SPAG16: variants seen among roughly 807,000 people sequenced by gnomAD.
The protein encoded by SPAG16 is sperm-associated antigen 16 protein.
In SPAG16, 86 loss-of-function variants were observed where a neutral mutation model predicts 80.4. The ratio of observed to expected loss-of-function variants is 1.07; its 90% confidence interval spans 0.90 to 1.28. The LOEUF (loss-of-function observed/expected upper bound fraction) is 1.28. Ranked by LOEUF, SPAG16 falls within the 50% of genes most tolerant of loss-of-function variation. SPAG16 has a pLI of 0.00. For synonymous variants in SPAG16, 294 were observed against 265.9 expected, an observed-to-expected ratio of 1.11 and a Z score of -1.03; for missense variants, 870 against 765.3, an observed-to-expected ratio of 1.14 and a Z score of -1.61.
chr2:214,334,272 A>C (rs1212998998), intron 15 of SPAG16, among the ~76,000 whole-genome samples: 1 of 152,224 alleles, frequency 6.6e-6, no homozygotes, highest in Non-Finnish European at 1.5e-5. Context: ...AGGGGGGCAC[A>C]TATTGCCTTG....
intron 15 of SPAG16, among the ~76,000 whole-genome samples, chr2:214,297,965 CA>C (rs1694254055): frequency 6.6e-6 from 1 of 151,002 alleles, no homozygotes. Context: ...TTTTCAGTTC[CA>C]AAAGCATGGA....
chr2:214,074,723 C>G (rs1239676039), intron 13 of SPAG16, among the ~76,000 whole-genome samples: 1 of 151,726 alleles, frequency 6.6e-6, no homozygotes, highest in Non-Finnish European at 1.5e-5. Context: ...AAAAAACAGG[C>G]AAGAGATTTG....
intron 10 of SPAG16, among the ~76,000 whole-genome samples, chr2:213,681,953 C>T (rs1208192680): frequency 1.3e-5 from 2 of 152,136 alleles, no homozygotes; most frequent in Non-Finnish European, 2.9e-5. Context: ...TACCCAGATC[C>T]AGGCTCCTTT....
At chr2:213,982,865 G>A (rs927480816) in intron 12 of SPAG16, among the ~76,000 whole-genome samples, 1 of 151,912 alleles carries the variant, frequency 6.6e-6, no homozygotes, top group South Asian at 2.1e-4. Flanking sequence ...GTAATGGTAA[G>A]TCATTAAAAA....
intron 10 of SPAG16, among the ~76,000 whole-genome samples, chr2:213,756,571 T>C (rs556993220): frequency 6.6e-6 from 1 of 152,340 alleles, no homozygotes; most frequent in South Asian, 2.1e-4. Flanking sequence ...GATTTGTAGC[T>C]GTAGACTTTA....
At chr2:214,119,632 G>C (rs965543880) in intron 14 of SPAG16, among the ~76,000 whole-genome samples, 2 of 151,924 alleles carry the variant, frequency 1.3e-5, no homozygotes, top group Non-Finnish European at 2.9e-5. Context: ...TTGCATTCTA[G>C]TCTCATCTTG....
chr2:214,358,813 G>T (rs1276064103), intron 15 of SPAG16, among the ~76,000 whole-genome samples: 1 of 151,836 alleles, frequency 6.6e-6, no homozygotes, highest in East Asian at 1.9e-4. Flanking sequence ...TTGTCAGGTT[G>T]ATCATTTGTT....
intron 7 of SPAG16, among the ~76,000 whole-genome samples, chr2:213,359,203 G>T (rs1403942519): frequency 6.6e-6 from 1 of 152,294 alleles, no homozygotes; most frequent in East Asian, 1.9e-4. Context: ...CTACTGGGAG[G>T]TGTCTCCCAG....
In SPAG16 at chr2:214,045,922, AG is replaced by A. The variant is rs150855214; in HGVS notation, c.1527+31846del. The stretch of plus-strand genomic sequence containing the variant: ...CAAAAGATCAATGGAACAAAAAGAC[AG>A]TTTTTTGAAAAGTTAAAATTGACAT... On this transcript the variant is annotated intron_variant, in intron 13 of 15. Coordinates refer to ENST00000331683, the MANE Select transcript of SPAG16 (RefSeq NM_024532.5). Among the ~76,000 whole-genome samples, 1,366 of 152,258 alleles carry A rather than the reference AG, an allele frequency of 9.0e-3. 20 individuals are homozygous for A. Among genetic ancestry groups the A allele is most frequent in the African/African-American group, 0.032 (1,310 of 41,570 alleles).
At chr2:214,197,516 T>C (rs2057878259) in intron 15 of SPAG16, among the ~76,000 whole-genome samples, 1 of 151,974 alleles carries the variant, frequency 6.6e-6, no homozygotes, top group Non-Finnish European at 1.5e-5. Flanking sequence ...GACTACAGTA[T>C]GAATGGACTA....
At chr2:214,322,234 T>C (rs1167853117) in intron 15 of SPAG16, among the ~76,000 whole-genome samples, 2 of 152,142 alleles carry the variant, frequency 1.3e-5, no homozygotes, top group African/African-American at 4.8e-5. Flanking sequence ...GACACTCAAA[T>C]ATACCAACAT....
chr2:213,674,786 G>A (rs2063977394), intron 10 of SPAG16, among the ~76,000 whole-genome samples: 1 of 150,242 alleles, frequency 6.7e-6, no homozygotes, highest in Non-Finnish European at 1.5e-5. Flanking sequence ...GTCTATCATT[G>A]TTGGACATTT....
At chr2:214,196,025 T>C (rs2057826619) in intron 15 of SPAG16, among the ~76,000 whole-genome samples, 1 of 151,932 alleles carries the variant, frequency 6.6e-6, no homozygotes, top group Non-Finnish European at 1.5e-5. Flanking sequence ...TCAAAATAAG[T>C]GTAAAAAGTT....
At chr2:214,157,496 A>G (rs897994252) in intron 15 of SPAG16, among the ~76,000 whole-genome samples, 1 of 152,122 alleles carries the variant, frequency 6.6e-6, no homozygotes, top group African/African-American at 2.4e-5. Context: ...ATGGAAAATA[A>G]CATATTAATA....
At position 214,260,205 on chromosome 2, in the gene SPAG16, A is replaced by G. The variant is rs148958633; in HGVS notation, c.1720+110939A>G. Among the ~76,000 whole-genome samples the G allele has an allele frequency of 9.7e-3, 1,482 of 152,282 alleles. 14 individuals are homozygous for G. Among genetic ancestry groups the G allele is most frequent in the Admixed American group, 0.017 (264 of 15,300 alleles). ...AAAATTTTCTAAGTGATAAAAGACT[A>G]TACATTGGGTACAGTATACACAGGA... On this transcript the variant is annotated intron_variant, in intron 15 of 15. Transcript: ENST00000331683.
At chr2:214,062,454 A>C (rs962432829) in intron 13 of SPAG16, among the ~76,000 whole-genome samples, 2 of 149,830 alleles carry the variant, frequency 1.3e-5, no homozygotes, top group Non-Finnish European at 1.5e-5. Context: ...AGAAACCAAA[A>C]CCAACCGCCT....
intron 13 of SPAG16, among the ~76,000 whole-genome samples, chr2:214,107,725 G>A (rs1321693712): frequency 2.0e-5 from 3 of 152,020 alleles, no homozygotes; most frequent in Admixed American, 6.6e-5. Context: ...TTTTATACAG[G>A]TAATAATGTT....
At chr2:214,380,238 G>C (rs192746075) in intron 15 of SPAG16, among the ~76,000 whole-genome samples, 3 of 152,148 alleles carry the variant, frequency 2.0e-5, no homozygotes, top group Admixed American at 1.3e-4. Context: ...TGTTGTTCAC[G>C]GGGTAGAAAC....
intron 13 of SPAG16, among the ~76,000 whole-genome samples, chr2:214,042,941 CTT>C (rs1455304924): frequency 6.6e-6 from 1 of 152,052 alleles, no homozygotes; most frequent in African/African-American, 2.4e-5. Context: ...AGAAGAATCT[CTT>C]GAGGACAGTG....
Sources: allele counts gnomAD v4.1 joint callset (sites outside exome capture counted in the v4.1 genomes callset), GRCh38; gene constraint gnomAD v4.1.1; transcripts MANE v1.5; gene names NCBI Gene and HGNC (gene_info 2026-07-23, HGNC 2026-07-21).